Variants in CMTR1 observed in about 807,000 individuals in gnomAD.
CMTR1 encodes the protein cap-specific mRNA (nucleoside-2'-O-)-methyltransferase 1.
A neutral mutation model predicts 107.0 loss-of-function variants in CMTR1; 39 were observed. The ratio of observed to expected loss-of-function variants is 0.36; its 90% CI spans 0.28 to 0.48. The LOEUF is 0.48. CMTR1 is among the 20% of genes least tolerant of loss of function. The pLI is 0.99. For missense variants in CMTR1, 672 were observed against 1,064.9 expected (o/e 0.63, Z 5.14); for synonymous variants, 366 against 379.5 (o/e 0.96, Z 0.41).
intron 22 of CMTR1, 101 bp downstream of exon 22, chr6:37,478,622 G>A (rs1581757039): frequency 5.6e-6 from 5 of 894,434 alleles, no homozygotes; most frequent in Non-Finnish European, 9.1e-6. Context: ...AGGGCTCCCA[G>A]CTAAGGTGGG....
At chr6:37,460,028 G>A (rs1761368835) in intron 10 of CMTR1, among the ~76,000 whole-genome samples, 1 of 152,166 alleles carries the variant, frequency 6.6e-6, no homozygotes, top group African/African-American at 2.4e-5. Context: ...TCAGGGCTGG[G>A]TTAAAGTGAA....
chr6:37,437,570 C>A lies in CMTR1; in HGVS notation c.133+1808C>A, dbSNP rs554215660. ...GTTGTTAGTGTATTTTATGTGTGGC[C>A]CAAGACAATTCTTCCAGTGTGGCCC... On this transcript the variant is annotated intron_variant, in intron 2 of 23. Transcript: ENST00000373451. Among the ~76,000 whole-genome samples the A allele has an allele frequency of 2.0e-5, 3 of 151,556 alleles. No homozygotes were observed. In the East Asian group the frequency reaches 5.8e-4, roughly 29 times the overall value.
chr6:37,426,877 G>A, the CMTR1 span, among the ~76,000 whole-genome samples: 1 of 152,162 alleles, frequency 6.6e-6, no homozygotes, highest in South Asian at 2.1e-4. Flanking sequence ...ATCTCCAGGA[G>A]TCACTTCAAC....
chr6:37,468,428 C>T (rs1407267484), intron 13 of CMTR1, among the ~76,000 whole-genome samples: 2 of 152,084 alleles, frequency 1.3e-5, no homozygotes, highest in African/African-American at 4.8e-5. Flanking sequence ...TAAAAAGGTC[C>T]TTGGTATTTA....
rs761507223 is a variant in CMTR1 at position 37,471,874 on chromosome 6, G to T, written c.1590G>T (p.Glu530Asp). 8.7e-6 allele frequency: 14 copies of T among 1,613,850 alleles called. No homozygotes were observed. The highest frequency in any genetic ancestry group is 1.1e-5 in the Non-Finnish European group (13 of 1,179,962). ...DTTLSEPRQA[E>D]IRKECLRLWG... ...CACTGAGTGAGCCTCGACAGGCAGAGATACGGAAGGAGTGCCTCCGACTCT... is the reference window on the plus strand; with the variant it reads ...CACTGAGTGAGCCTCGACAGGCAGATATACGGAAGGAGTGCCTCCGACTCT... The change falls in exon 15 of 24, where the codon GAG (glutamate) becomes GAT (aspartate). Residue 530 changes from glutamate to aspartate, a missense_variant. Physicochemically the swap from Glu to Asp is conservative, Grantham distance 45. Coordinates refer to ENST00000373451, the MANE Select transcript of CMTR1 (RefSeq NM_015050.3).
chr6:37,468,066 C>T (rs1761543551), intron 13 of CMTR1, among the ~76,000 whole-genome samples: 1 of 146,296 alleles, frequency 6.8e-6, no homozygotes, highest in Non-Finnish European at 1.5e-5. Context: ...GGGGGGGGGA[C>T]TAATTCAGTA....
At position 37,444,100 on chromosome 6, in the gene CMTR1, G is replaced by A; in HGVS notation, c.235G>A (p.Gly79Arg). Residue 79 changes from glycine (G) to arginine (R), a missense_variant, in exon 3 of 24, where the codon GGA (glycine) becomes AGA (arginine). Physicochemically the swap from Gly to Arg is moderately radical, Grantham distance 125. Around this residue, in one of 2 missense-constraint regions of CMTR1, gnomAD observed 89 missense variants for 96.6 expected, o/e 0.92. Coordinates refer to ENST00000373451, the MANE Select transcript of CMTR1 (RefSeq NM_015050.3). Reference sequence around the variant, plus strand: ...ATTCAAAGCAGACTCTCTTGTGGAAGGAACTTCTTCTCGCTATTCCATGTA... The same window carrying A: ...ATTCAAAGCAGACTCTCTTGTGGAAAGAACTTCTTCTCGCTATTCCATGTA... ...DAFKADSLVE[G>R]TSSRYSMYNS... is the part of the protein sequence containing the mutation. 5 of 1,614,188 alleles carry A rather than the reference G, an allele frequency of 3.1e-6. No homozygotes were observed. The highest frequency in any genetic ancestry group is 3.4e-6 in the Non-Finnish European group (4 of 1,180,040).
rs560611973 is a variant in CMTR1, at chr6:37,434,042, G to A, written c.-7+665G>A. Among the ~76,000 whole-genome samples the A allele has an allele frequency of 2.6e-5, 4 of 152,262 alleles. No individual in the cohort carries two copies. In the East Asian group the frequency reaches 7.7e-4, roughly 29 times the overall value. On this transcript the variant is annotated intron_variant, in intron 1 of 23. Coordinates refer to ENST00000373451, the MANE Select transcript of CMTR1 (RefSeq NM_015050.3). ...CACTTAAGAATTAAAAGCTTTTAGC[G>A]CTTGCAATGGCTAGAAGCAAGCTCT...
chr6:37,476,197 G>A lies in CMTR1; in HGVS notation c.2105+3G>A, dbSNP rs1345031451. 2 of 1,613,970 alleles carry A rather than the reference G, an allele frequency of 1.2e-6. No homozygotes were observed. Among genetic ancestry groups the A allele is most frequent in the Admixed American group, 1.7e-5 (1 of 60,014 alleles). Reference sequence around the variant, plus strand: ...CGGCCCGACATGAATCCCATCAGGTGAGCATGTGGTCCCTACCCTCCATGC... The same window carrying A: ...CGGCCCGACATGAATCCCATCAGGTAAGCATGTGGTCCCTACCCTCCATGC... On this transcript the variant is annotated splice_donor_region_variant and intron_variant, in intron 20 of 23. Transcript: ENST00000373451.
At chr6:37,442,069 A>C (rs1273844203) in intron 2 of CMTR1, among the ~76,000 whole-genome samples, 1 of 152,160 alleles carries the variant, frequency 6.6e-6, no homozygotes, top group African/African-American at 2.4e-5. Flanking sequence ...TTCTTTTGTA[A>C]AATGTTGTAT....
intron 12 of CMTR1, 151 bp downstream of exon 12, chr6:37,462,253 G>A: frequency 2.1e-6 from 2 of 932,274 alleles, no homozygotes; most frequent in East Asian, 2.5e-5. Flanking sequence ...AGGATTCCTG[G>A]ATCTTTTGGT....
upstream of CMTR1, among the ~76,000 whole-genome samples, chr6:37,431,783 G>A (rs1056591878): frequency 6.6e-6 from 1 of 152,144 alleles, no homozygotes; most frequent in African/African-American, 2.4e-5. Context: ...CAGGCAGGGG[G>A]CTGAACTCTT....
At chr6:37,443,421 T>C (rs1771717207) in intron 2 of CMTR1, among the ~76,000 whole-genome samples, 1 of 152,074 alleles carries the variant, frequency 6.6e-6, no homozygotes, top group African/African-American at 2.4e-5. Context: ...GTGGCGCAAT[T>C]TCGGCTCACT....
chr6:37,450,359 A>G lies in CMTR1; in HGVS notation c.537+16A>G, dbSNP rs1771922850. The G allele has an allele frequency of 6.3e-7, 1 of 1,596,368 alleles. No homozygotes were observed. Among genetic ancestry groups the G allele is most frequent in the Non-Finnish European group, 8.6e-7 (1 of 1,163,994 alleles). On this transcript the variant is annotated intron_variant, in intron 5 of 23. Transcript: ENST00000373451. ...GGTGGGAAAGGTAGGCTTTCAGGAAAACGTACCCTGACTTCTTGGCATTCT... is the reference window on the plus strand; with the variant it reads ...GGTGGGAAAGGTAGGCTTTCAGGAAGACGTACCCTGACTTCTTGGCATTCT...
At chr6:37,447,278 C>T (rs931110335) in intron 4 of CMTR1, among the ~76,000 whole-genome samples, 3 of 152,092 alleles carry the variant, frequency 2.0e-5, no homozygotes, top group Non-Finnish European at 2.9e-5. Context: ...AAAGAAGTCC[C>T]GTGAATCTGC....
chr6:37,439,622 G>T (rs1771621582), intron 2 of CMTR1, among the ~76,000 whole-genome samples: 1 of 152,142 alleles, frequency 6.6e-6, no homozygotes, highest in Non-Finnish European at 1.5e-5. Context: ...GTTACCATTT[G>T]TCTGGCATGA....
intron 9 of CMTR1, among the ~76,000 whole-genome samples, chr6:37,459,046 C>T (rs539235093): frequency 3.3e-5 from 5 of 152,374 alleles, no homozygotes; most frequent in African/African-American, 1.2e-4. Flanking sequence ...CTATTAATTC[C>T]TCCTTTCAGG....
At chr6:37,479,088 C>T (rs1761803453) in intron 22 of CMTR1, 59 bp from the exon 23 acceptor site, 1 of 1,238,662 alleles carries the variant, frequency 8.1e-7, no homozygotes, top group African/African-American at 1.5e-5. Context: ...AGGTACACGC[C>T]TGTCCTCCAC....
At chr6:37,469,833 T>C (rs1761586835) in intron 13 of CMTR1, among the ~76,000 whole-genome samples, 6 of 151,938 alleles carry the variant, frequency 3.9e-5, no homozygotes, top group Admixed American at 3.3e-4. Flanking sequence ...TGGCCTAATA[T>C]ATTGTTTTAT....
Sources: allele counts gnomAD v4.1 joint callset (sites outside exome capture counted in the v4.1 genomes callset), GRCh38; gene constraint gnomAD v4.1.1; regional missense constraint gnomAD v4.1.1; transcripts MANE v1.5; gene names NCBI Gene and HGNC (gene_info 2026-07-23, HGNC 2026-07-21).